Variants in BICC1 observed in about 807,000 individuals in gnomAD.
The protein encoded by BICC1 is BicC family RNA binding protein 1.
BICC1 carries 43 observed loss-of-function variants against 111.0 expected under a neutral mutation model. The ratio of observed to expected loss-of-function variants is 0.39; its 90% CI spans 0.30 to 0.50. BICC1 has a LOEUF of 0.50. Ranked by LOEUF, BICC1 falls within the 20% of genes least tolerant of loss-of-function variation. BICC1 has a pLI of 0.88. For missense variants in BICC1, 1,091 were observed against 1,203.2 expected, an observed-to-expected ratio of 0.91 and a Z score of 1.38; for synonymous variants, 467 against 434.4, an observed-to-expected ratio of 1.07 and a Z score of -0.93.
At chr10:58,795,488 G>A (rs946158066) in intron 9 of BICC1, among the ~76,000 whole-genome samples, 9 of 152,140 alleles carry the variant, frequency 5.9e-5, no homozygotes, top group African/African-American at 2.2e-4. Context: ...TATTAAGATG[G>A]ACAGTCAGAA....
At chr10:58,756,749 A>T (rs904080297) in intron 3 of BICC1, among the ~76,000 whole-genome samples, 3 of 151,726 alleles carry the variant, frequency 2.0e-5, no homozygotes, top group Admixed American at 2.0e-4. Flanking sequence ...TATCGAACAA[A>T]GGCATGTTTG....
At chr10:58,755,005 T>C (rs1009759496) in intron 3 of BICC1, among the ~76,000 whole-genome samples, 2 of 152,194 alleles carry the variant, frequency 1.3e-5, no homozygotes, top group African/African-American at 4.8e-5. Flanking sequence ...AGTCCTTGTA[T>C]TTTAAGTTAC....
intron 3 of BICC1, among the ~76,000 whole-genome samples, chr10:58,763,863 T>C (rs376298561): frequency 3.3e-5 from 5 of 151,602 alleles, no homozygotes; most frequent in East Asian, 1.9e-4. Context: ...CAATACTAGA[T>C]AGTAAAGTTA....
At chr10:58,597,131 GAAAT>G (rs1844842291) in intron 1 of BICC1, among the ~76,000 whole-genome samples, 2 of 152,148 alleles carry the variant, frequency 1.3e-5, no homozygotes, top group African/African-American at 4.8e-5. Flanking sequence ...AGCTGGCTGA[GAAAT>G]AAAGACAGTA....
At position 58,536,873 on chromosome 10, in the gene BICC1, C is replaced by G. The variant is rs144638076; in HGVS notation, c.190+23540C>G. Among the ~76,000 whole-genome samples the G allele has an allele frequency of 5.3e-5, 8 of 151,818 alleles. No homozygotes were observed. The East Asian group carries it at 1.6e-3, about 29-fold the overall frequency. ...ATTAGAAGTGAAAATGGAGACATTA[C>G]AACTGACACCTCAGAAATATAAAAG... On this transcript the variant is annotated intron_variant, in intron 1 of 20. Transcript: ENST00000373886.
Position 58,829,477 on chromosome 10 carries a change from A to G in BICC1, c.*586A>G, listed in dbSNP as rs1233697159. ...ATGTTGGTACAGATAAGAGTTAGTC[A>G]CATTTTTCTGACTGCATCAAACTTT... On this transcript the variant is annotated 3_prime_UTR_variant, in exon 21 of 21. Coordinates refer to ENST00000373886, the MANE Select transcript of BICC1 (RefSeq NM_001080512.3). 2 of 152,080 alleles carry G rather than the reference A, an allele frequency of 1.3e-5. No individual in the cohort carries two copies. Among genetic ancestry groups the G allele is most frequent in the Non-Finnish European group, 2.9e-5 (2 of 68,020 alleles). 9.4% of individuals were successfully genotyped at this position (152,080 alleles called of 1,614,324 possible).
chr10:58,558,728 G>T (rs959293564), intron 1 of BICC1, among the ~76,000 whole-genome samples: 1 of 152,070 alleles, frequency 6.6e-6, no homozygotes, highest in Non-Finnish European at 1.5e-5. Context: ...ATAAACAACA[G>T]AAAATTATTT....
intron 1 of BICC1, among the ~76,000 whole-genome samples, chr10:58,551,652 C>T (rs1052160113): frequency 4.6e-5 from 7 of 152,134 alleles, no homozygotes; most frequent in African/African-American, 1.7e-4. Flanking sequence ...TTCCACACCT[C>T]TCCTTCCCAC....
At chr10:58,577,413 C>T (rs1476882122) in intron 1 of BICC1, among the ~76,000 whole-genome samples, 3 of 152,166 alleles carry the variant, frequency 2.0e-5, no homozygotes, top group African/African-American at 4.8e-5. Flanking sequence ...GAGGAGGGCC[C>T]ATGAAGGAGC....
At chr10:58,793,719 C>G (rs1843253153) in intron 9 of BICC1, 104 bp downstream of exon 9, 5 of 1,284,894 alleles carry the variant, frequency 3.9e-6, no homozygotes, top group Non-Finnish European at 2.2e-6. Context: ...AACTGTTACT[C>G]TATACAGGTT....
At chr10:58,741,349 C>T (rs1841657198) in intron 3 of BICC1, among the ~76,000 whole-genome samples, 1 of 151,882 alleles carries the variant, frequency 6.6e-6, no homozygotes, top group Non-Finnish European at 1.5e-5. Flanking sequence ...TTGTAACAGC[C>T]CCATGAAAGA....
chr10:58,523,893 A>G (rs1438752336), intron 1 of BICC1, among the ~76,000 whole-genome samples: 2 of 152,026 alleles, frequency 1.3e-5, no homozygotes, highest in African/African-American at 4.8e-5. Context: ...AATCACAAGC[A>G]TTCTTATACA....
At chr10:58,547,477 A>G (rs1226405404) in intron 1 of BICC1, among the ~76,000 whole-genome samples, 1 of 152,002 alleles carries the variant, frequency 6.6e-6, no homozygotes, top group Non-Finnish European at 1.5e-5. Flanking sequence ...TTTACTGTTG[A>G]TGTGAATCTT....
intron 2 of BICC1, among the ~76,000 whole-genome samples, chr10:58,681,923 T>G (rs879300202): frequency 3.3e-5 from 5 of 152,154 alleles, no homozygotes; most frequent in African/African-American, 4.8e-5. Flanking sequence ...ACGTGCAGGT[T>G]TGTCACATAT....
chr10:58,697,338 C>G (rs1840092657), intron 2 of BICC1, among the ~76,000 whole-genome samples: 1 of 152,114 alleles, frequency 6.6e-6, no homozygotes, highest in South Asian at 2.1e-4. Context: ...AAAATTATCT[C>G]TTTATTTCCA....
chr10:58,521,065 G>A (rs1463294329), intron 1 of BICC1, among the ~76,000 whole-genome samples: 3 of 152,040 alleles, frequency 2.0e-5, no homozygotes, highest in Non-Finnish European at 4.4e-5. Context: ...TTTCATTAAA[G>A]GTTCTTGAAG....
intron 1 of BICC1, among the ~76,000 whole-genome samples, chr10:58,526,126 ATGCCTG>A (rs1842535029): frequency 6.6e-6 from 1 of 151,886 alleles, no homozygotes; most frequent in African/African-American, 2.4e-5. Context: ...TTGGTGATTT[ATGCCTG>A]TGCGGTCATC....
At chr10:58,799,374 C>T in intron 12 of BICC1, 122 bp downstream of exon 12, 1 of 625,834 alleles carries the variant, frequency 1.6e-6, no homozygotes, top group Non-Finnish European at 2.4e-6. Flanking sequence ...AGAGATAAAC[C>T]CCTGGTAAAG....
intron 14 of BICC1, among the ~76,000 whole-genome samples, chr10:58,802,084 G>A (rs1342859809): frequency 2.0e-5 from 3 of 151,926 alleles, no homozygotes; most frequent in Non-Finnish European, 1.5e-5. Context: ...ATTTACTTTC[G>A]AAAACAGGTC....
Sources: allele counts gnomAD v4.1 joint callset (sites outside exome capture counted in the v4.1 genomes callset), GRCh38; gene constraint gnomAD v4.1.1; transcripts MANE v1.5; gene names NCBI Gene and HGNC (gene_info 2026-07-23, HGNC 2026-07-21).